The following ARHGAP21 variants were observed in gnomAD, a reference collection of about 807,000 sequenced individuals.
ARHGAP21 encodes Rho GTPase activating protein 21.
ARHGAP21 carries 38 observed loss-of-function variants against 164.6 expected under a neutral mutation model. The ratio of observed to expected loss-of-function variants is 0.23; its 90% CI spans 0.18 to 0.30. The LOEUF (loss-of-function observed/expected upper bound fraction) is 0.30, where lower values mean the gene tolerates loss of function less well. Ranked by LOEUF, ARHGAP21 falls within the 10% of genes least tolerant of loss-of-function variation. ARHGAP21 has a pLI of 1.00. For synonymous variants in ARHGAP21, 766 were observed against 857.9 expected, an observed-to-expected ratio of 0.89 and a Z score of 1.87; for missense variants, 1,822 against 2,370.7, an observed-to-expected ratio of 0.77 and a Z score of 4.81.
In ARHGAP21 at chr10:24,600,913, A is replaced by G. The variant is rs1255966855; in HGVS notation, c.2865T>C (p.Ile955=). 1.2e-6 allele frequency: 2 copies of G among 1,610,724 alleles called. No homozygotes were observed. The highest frequency in any genetic ancestry group is 1.7e-6 in the Non-Finnish European group (2 of 1,177,310). The change falls in exon 14 of 26, where the codon ATT becomes ATC. Residue 955 remains isoleucine (I), a synonymous_variant. Coordinates refer to ENST00000396432, the MANE Select transcript of ARHGAP21 (RefSeq NM_020824.4). Reference sequence around the variant, plus strand: ...CAACATACATCTGTTTCCATGGCCGAATACTTCCACCAACTCGCTAGAAAA... The same window carrying G: ...CAACATACATCTGTTTCCATGGCCGGATACTTCCACCAACTCGCTAGAAAA... ...TDKGKRVGGS[I]RPWKQMYVVL...
intron 2 of ARHGAP21, among the ~76,000 whole-genome samples, chr10:24,687,040 AC>A (rs1269622472): frequency 2.0e-5 from 3 of 152,032 alleles, no homozygotes; most frequent in African/African-American, 7.2e-5. Context: ...ACATGGTGAA[AC>A]CCCATTTCTA....
rs767651604 is a variant in ARHGAP21 at position 24,584,671 on chromosome 10, G to C, written c.5618C>G (p.Pro1873Arg). 8.7e-6 allele frequency: 14 copies of C among 1,613,924 alleles called. No individual in the cohort carries two copies. Among genetic ancestry groups the C allele is most frequent in the South Asian group, 4.4e-5 (4 of 91,070 alleles). Residue 1873 changes from proline (P) to arginine (R), a missense_variant, in exon 26 of 26, where the codon CCC becomes CGC. Physicochemically the swap from Pro to Arg is moderately radical, Grantham distance 103. Transcript: ENST00000396432. ...TCGTGTGCTTGGGTTCTCTGTCTGG[G>C]GATCTCCGATTTCTCCTCTGCTAAG... Reference protein sequence around the residue: ...SDLSRGEIGDPQTENPSTREI... With the variant: ...SDLSRGEIGDRQTENPSTREI...
At chr10:24,629,758 T>G in intron 7 of ARHGAP21, 1 of 549,562 alleles carries the variant, frequency 1.8e-6, no homozygotes, top group Non-Finnish European at 3.4e-6. Context: ...TCATTCTAAA[T>G]GAGAGCATTA....
chr10:24,660,393 A>AAAAG (rs1474896392), intron 4 of ARHGAP21, among the ~76,000 whole-genome samples: 1 of 138,838 alleles, frequency 7.2e-6, no homozygotes, highest in Non-Finnish European at 1.5e-5. Context: ...TCTTAAAAAA[A>AAAAG]AAAAAAAAAA....
chr10:24,637,729 A>G (rs1836524688), intron 4 of ARHGAP21, among the ~76,000 whole-genome samples: 1 of 152,214 alleles, frequency 6.6e-6, no homozygotes, highest in Non-Finnish European at 1.5e-5. Flanking sequence ...GTAAAGTCAG[A>G]CATACTTTGC....
At chr10:24,624,050 T>C (rs1463754651) in intron 7 of ARHGAP21, among the ~76,000 whole-genome samples, 2 of 152,200 alleles carry the variant, frequency 1.3e-5, no homozygotes, top group African/African-American at 2.4e-5. Flanking sequence ...AAATGCTAAA[T>C]AGTCTACATT....
chr10:24,659,845 G>A (rs1839493330), intron 4 of ARHGAP21, among the ~76,000 whole-genome samples: 1 of 152,208 alleles, frequency 6.6e-6, no homozygotes, highest in South Asian at 2.1e-4. Flanking sequence ...TAGAAACTTA[G>A]AGACTGCCTG....
rs369991717 is a variant in ARHGAP21, at chr10:24,596,128, CA to C, written c.3478-86del. The C allele has an allele frequency of 1.6e-5, 19 of 1,152,142 alleles. No individual in the cohort carries two copies. The African/African-American group carries it at 1.7e-4, about 10-fold the overall frequency. 71.4% of individuals were successfully genotyped at this position (1,152,142 alleles called of 1,614,324 possible). On this transcript the variant is annotated intron_variant, in intron 17 of 25. Transcript: ENST00000396432. Reference sequence around the variant, plus strand: ...TCACAGCTAAAATGCCCCTTTCATCCAAAAGGAAACATAAATTGCTGTTATG... The same window carrying C: ...TCACAGCTAAAATGCCCCTTTCATCCAAAGGAAACATAAATTGCTGTTATG...
chr10:24,648,197 G>A (rs934188832), intron 4 of ARHGAP21, among the ~76,000 whole-genome samples: 8 of 152,210 alleles, frequency 5.3e-5, no homozygotes, highest in Admixed American at 1.3e-4. Context: ...CATTAGGTTC[G>A]TGCTGCTGCC....
At chr10:24,592,390 GATA>G (rs2076372951) in intron 21 of ARHGAP21, among the ~76,000 whole-genome samples, 1 of 152,094 alleles carries the variant, frequency 6.6e-6, no homozygotes, top group African/African-American at 2.4e-5. Flanking sequence ...CTGCATTAAT[GATA>G]ATGTGCAATG....
chr10:24,584,530 T>A lies in ARHGAP21; in HGVS notation c.5759A>T (p.Gln1920Leu), dbSNP rs781498412. 6.2e-7 allele frequency: 1 copy of A among 1,613,998 alleles called. No individual in the cohort carries two copies. Among genetic ancestry groups the A allele is most frequent in the Admixed American group, 1.7e-5 (1 of 60,016 alleles). The change falls in exon 26 of 26, where the codon CAA (glutamine) becomes CTA (leucine). Residue 1920 changes from glutamine to leucine, a missense_variant. Physicochemically the swap from Gln to Leu is moderately radical, Grantham distance 113 (BLOSUM62 -2). This residue lies in a region of ARHGAP21 where 165 missense variants were observed against 176.6 expected (regional missense o/e 0.93). Coordinates refer to ENST00000396432, the MANE Select transcript of ARHGAP21 (RefSeq NM_020824.4). ...LLSIPPQSPD[Q>L]INGESFQNVS... ...GTTCTGGAAGCTTTCTCCGTTTATT[T>A]GGTCAGGTGACTGTGGTGGTATGGA...
At chr10:24,705,164 A>T (rs1844112367) in intron 2 of ARHGAP21, among the ~76,000 whole-genome samples, 2 of 152,212 alleles carry the variant, frequency 1.3e-5, no homozygotes, top group Admixed American at 1.3e-4. Context: ...AGACTAACTA[A>T]TGAGTTTAGT....
rs550124000 is a variant in ARHGAP21 at position 24,720,212 on chromosome 10, G to T, written c.63+1625C>A. Among the ~76,000 whole-genome samples, 22 of 140,994 alleles carry T rather than the reference G, an allele frequency of 1.6e-4. No individual in the cohort carries two copies. In the South Asian group the frequency reaches 4.9e-3, roughly 32 times the overall value. The allele number at this position is 140,994 out of a possible 152,430, so 92.5% of individuals were successfully genotyped here. A position where few individuals can be genotyped will look rare whatever the true frequency, so the allele number is the denominator to read the frequency against. On this transcript the variant is annotated intron_variant, in intron 2 of 25. Transcript: ENST00000396432. ...AATACTGCTTGCTAGCCAAGGACAA[G>T]ATGTGTCTAAATTCTTGGTTTCAGG...
chr10:24,620,900 T>C lies in ARHGAP21; in HGVS notation c.995A>G (p.Gln332Arg), dbSNP rs1352251041. Residue 332 changes from glutamine to arginine, a missense_variant, in exon 9 of 26, where the codon CAG (glutamine) becomes CGG (arginine). This residue lies in a region of ARHGAP21 where 1,090 missense variants were observed against 1,378.9 expected (regional missense o/e 0.79). Transcript: ENST00000396432. Reference sequence around the variant, plus strand: ...TTCCAGTGATCTGGAGCCTGCAGGCTGATGAATTAGATGAGTGGTGGGAAT... The same window carrying C: ...TTCCAGTGATCTGGAGCCTGCAGGCCGATGAATTAGATGAGTGGTGGGAAT... ...LSIPTTHLIH[Q>R]PAGSRSLEPS... 6.2e-7 allele frequency: 1 copy of C among 1,613,938 alleles called. No homozygotes were observed. The highest frequency in any genetic ancestry group is 1.1e-5 in the South Asian group (1 of 91,070).
chr10:24,601,387 A>G (rs553242441), intron 13 of ARHGAP21, among the ~76,000 whole-genome samples: 110 of 152,344 alleles, frequency 7.2e-4, no homozygotes, highest in African/African-American at 2.6e-3. Flanking sequence ...AAGCAACTCT[A>G]TCCACATCCA....
At chr10:24,694,113 C>T (rs970576391) in intron 2 of ARHGAP21, among the ~76,000 whole-genome samples, 3 of 152,102 alleles carry the variant, frequency 2.0e-5, no homozygotes, top group Non-Finnish European at 2.9e-5. Context: ...GGATTATTGC[C>T]CAAATTACAT....
intron 15 of ARHGAP21, 66 bp downstream of exon 15, chr10:24,597,879 C>T: frequency 1.3e-6 from 2 of 1,499,958 alleles, no homozygotes; most frequent in Admixed American, 1.8e-5. Context: ...TGTATCCTTG[C>T]AAATAAGGGG....
intron 7 of ARHGAP21, among the ~76,000 whole-genome samples, chr10:24,625,307 A>C (rs1229908382): frequency 2.0e-5 from 3 of 150,052 alleles, no homozygotes; most frequent in South Asian, 2.1e-4. Flanking sequence ...GAGAAAAAAA[A>C]AAAAAAAAAA....
chr10:24,691,743 T>C (rs1352256993), intron 2 of ARHGAP21, among the ~76,000 whole-genome samples: 1 of 150,396 alleles, frequency 6.6e-6, no homozygotes, highest in East Asian at 1.9e-4. Flanking sequence ...ACAGAATAAA[T>C]GTTTTAATTG....
Sources: gnomAD v4.1 joint callset for allele counts (sites outside exome capture counted in the v4.1 genomes callset) on GRCh38, gnomAD v4.1.1 for gene constraint, gnomAD v4.1.1 regional missense constraint, MANE v1.5 for transcripts, NCBI Gene and HGNC (gene_info 2026-07-23, HGNC 2026-07-21) for gene names.